B9D1: variants seen among roughly 807,000 people sequenced by gnomAD.
B9D1 encodes the protein B9 domain containing 1.
Under a neutral mutation model 26.1 loss-of-function variants are expected in B9D1, and 20 were observed. That is an observed-to-expected ratio of 0.77 (90% confidence interval 0.54 to 1.12). B9D1 has a LOEUF of 1.12. B9D1 is among the 50% of genes most tolerant of loss of function. The pLI, the probability that B9D1 is intolerant of heterozygous loss-of-function variation, is 0.00. For synonymous variants in B9D1, 105 were observed against 103.1 expected, an observed-to-expected ratio of 1.02 and a Z score of -0.11; for missense variants, 260 against 273.7, an observed-to-expected ratio of 0.95 and a Z score of 0.35.
chr17:19,367,468 T>C (rs1182716502), upstream of B9D1, among the ~76,000 whole-genome samples: 1 of 152,060 alleles, frequency 6.6e-6, no homozygotes, highest in Non-Finnish European at 1.5e-5. Context: ...CCTGCCACCA[T>C]GCCCAGCTAA....
intron 1 of B9D1, among the ~76,000 whole-genome samples, chr17:19,361,121 T>C (rs1911005385): frequency 6.6e-6 from 1 of 151,964 alleles, no homozygotes; most frequent in African/African-American, 2.4e-5. Flanking sequence ...CGCATGATGA[T>C]CTGTCACTGT....
rs771049549 is a variant in B9D1, at chr17:19,343,822, G to A, written c.440C>T (p.Pro147Leu). Residue 147 changes from proline (P) to leucine (L), a missense_variant, in exon 6 of 7, where the codon CCC (proline) becomes CTC (leucine). Transcript: ENST00000261499. Reference protein sequence around the residue: ...FMGRRPEYTDPKVVAQGEGRE... With the variant: ...FMGRRPEYTDLKVVAQGEGRE... ...GCCTTCACCCTGAGCCACCACCTTG[G>A]GGTCTGTGTACTCGGGCCGCCGCCC... The A allele has an allele frequency of 5.6e-6, 9 of 1,614,014 alleles. No homozygotes were observed. In the South Asian group the frequency reaches 9.9e-5, roughly 18 times the overall value.
chr17:19,351,478 A>C (rs1331431204), intron 3 of B9D1, among the ~76,000 whole-genome samples: 2 of 152,206 alleles, frequency 1.3e-5, no homozygotes. Context: ...AGCAGGCTTT[A>C]GAATCAAAAC....
chr17:19,351,906 G>C (rs1054278861), intron 3 of B9D1, among the ~76,000 whole-genome samples: 10 of 152,006 alleles, frequency 6.6e-5, no homozygotes, highest in Admixed American at 1.3e-4. Context: ...ATTTTTTAGA[G>C]ATAGGGTCTA....
intron 1 of B9D1, among the ~76,000 whole-genome samples, chr17:19,377,152 C>T (rs936452315): frequency 4.6e-5 from 7 of 152,220 alleles, no homozygotes; most frequent in African/African-American, 1.7e-4. Flanking sequence ...GTTGTAGGAC[C>T]TCCTGAGGCT....
downstream of B9D1, chr17:19,337,851 C>T (rs552771759): frequency 3.0e-4 from 226 of 759,710 alleles, no homozygotes; most frequent in Admixed American, 9.5e-4. Context: ...AGGCCCTCGG[C>T]CCCCATCCAG....
In B9D1 at chr17:19,362,646, C is replaced by T. The variant is rs748587016; in HGVS notation, c.-77G>A. On this transcript the variant is annotated 5_prime_UTR_variant, in exon 1 of 7. Transcript: ENST00000261499. ...AGAGACGCCGGCGTTGCCCTAGAAACAGACGGCGTAGCGCGCAGGACACGT... is the reference window on the plus strand; with the variant it reads ...AGAGACGCCGGCGTTGCCCTAGAAATAGACGGCGTAGCGCGCAGGACACGT... 1 of 1,555,670 alleles carries T rather than the reference C, an allele frequency of 6.4e-7. No individual in the cohort carries two copies.
upstream of B9D1, among the ~76,000 whole-genome samples, chr17:19,366,132 G>A (rs1419829998): frequency 2.0e-5 from 3 of 151,820 alleles, no homozygotes; most frequent in African/African-American, 4.8e-5. Flanking sequence ...GTGGGTGTCC[G>A]GCTCTGCTTG....
chr17:19,377,801 C>T lies in B9D1; in HGVS notation c.-298+58G>A, dbSNP rs976428474. 1.8e-5 allele frequency: 18 copies of T among 982,628 alleles called. No individual in the cohort carries two copies. In the African/African-American group the frequency reaches 3.0e-4, roughly 16 times the overall value. 60.9% of individuals were successfully genotyped at this position (982,628 alleles called of 1,614,324 possible). ...GGTTGGGCGGCCGCCTCGGTTAACT[C>T]CGCTGCAGCCCAAAGCACGGGAATC... On this transcript the variant is annotated intron_variant, in intron 1 of 5. Coordinates refer to the B9D1 transcript ENST00000477478.
chr17:19,347,157 TG>T lies in B9D1; in HGVS notation c.404+111del. On this transcript the variant is annotated intron_variant, in intron 5 of 6. Coordinates refer to ENST00000261499, the MANE Select transcript of B9D1 (RefSeq NM_015681.6). This position sits in a 1 kb window ranked among gnomAD's most constrained non-coding sequence, Gnocchi z 4.3. ...CCTGTTTCTATTTGTCCTCAGTGGGTGGAGCAGCTTGCAGATCTGAGGAGGC... is the reference window on the plus strand; with the variant it reads ...CCTGTTTCTATTTGTCCTCAGTGGGTGAGCAGCTTGCAGATCTGAGGAGGC... 1 of 1,611,584 alleles carries T rather than the reference TG, an allele frequency of 6.2e-7. No individual in the cohort carries two copies. Among genetic ancestry groups the T allele is most frequent in the Non-Finnish European group, 8.5e-7 (1 of 1,178,690 alleles).
At chr17:19,357,653 G>A (rs777398810) in intron 3 of B9D1, 187 bp downstream of exon 3, 2 of 643,776 alleles carry the variant, frequency 3.1e-6, no homozygotes, top group Admixed American at 2.1e-5. Context: ...GATGAAGGGG[G>A]TGAGTGGGGA....
chr17:19,375,920 A>C (rs1912077714), intron 1 of B9D1, among the ~76,000 whole-genome samples: 1 of 152,236 alleles, frequency 6.6e-6, no homozygotes, highest in African/African-American at 2.4e-5. Flanking sequence ...ACATGTCCAC[A>C]AAAAAACTTG....
At chr17:19,360,529 G>A (rs1910913349) in intron 1 of B9D1, 141 bp from the exon 2 acceptor site, 1 of 762,174 alleles carries the variant, frequency 1.3e-6, no homozygotes, top group South Asian at 1.4e-5. Flanking sequence ...TGTGTTCAGA[G>A]GAGAGGCTGA....
chr17:19,349,126 G>A (rs1190527680), intron 3 of B9D1, among the ~76,000 whole-genome samples: 1 of 152,200 alleles, frequency 6.6e-6, no homozygotes, highest in Non-Finnish European at 1.5e-5. Flanking sequence ...CCCAGCAGTG[G>A]TATCTGATTC....
chr17:19,344,538 C>A, intron 5 of B9D1: 1 of 264,310 alleles, frequency 3.8e-6, no homozygotes, highest in South Asian at 3.0e-5. Context: ...CCGGAAACAA[C>A]CAGGAGCACT....
At chr17:19,341,244 C>T (rs373984955), downstream of B9D1, 5 of 1,231,734 alleles carry the variant, frequency 4.1e-6, no homozygotes, top group African/African-American at 6.2e-5. Flanking sequence ...AGCTTCAGGT[C>T]CCCTTGATGT....
intron 1 of B9D1, among the ~76,000 whole-genome samples, chr17:19,361,231 T>A (rs1179350812): frequency 6.6e-6 from 1 of 152,158 alleles, no homozygotes; most frequent in Non-Finnish European, 1.5e-5. Context: ...ATTTCATTAT[T>A]ATTTACAAGG....
rs1018607151 is a variant in B9D1 at position 19,359,332 on chromosome 17, G to A, written c.132+988C>T. Among the ~76,000 whole-genome samples the A allele has an allele frequency of 6.6e-5, 10 of 152,254 alleles. No individual in the cohort carries two copies. The highest frequency in any genetic ancestry group is 2.2e-4 in the African/African-American group (9 of 41,538). ...GCTCCAGCCACTCTCCTGCTGGCTC[G>A]CTCTCCAGTGGCCACACAGCCTCCT... On this transcript the variant is annotated intron_variant, in intron 2 of 6. Coordinates refer to ENST00000261499, the MANE Select transcript of B9D1 (RefSeq NM_015681.6). This position sits in a 1 kb window ranked among gnomAD's most constrained non-coding sequence, Gnocchi z 5.0.
chr17:19,337,004 C>T (rs958643404), downstream of B9D1, among the ~76,000 whole-genome samples: 5 of 152,226 alleles, frequency 3.3e-5, no homozygotes, highest in African/African-American at 1.2e-4. Flanking sequence ...CCTCTTAATG[C>T]GGCCTTGTCA....
Sources: allele counts gnomAD v4.1 joint callset (sites outside exome capture counted in the v4.1 genomes callset), GRCh38; gene constraint gnomAD v4.1.1; non-coding constraint Gnocchi (gnomAD v3.1); transcripts MANE v1.5; gene names NCBI Gene and HGNC (gene_info 2026-07-23, HGNC 2026-07-21).